PTN: variants seen among roughly 807,000 people sequenced by gnomAD.
PTN encodes pleiotrophin.
PTN carries 18 observed loss-of-function variants against 24.1 expected under a neutral mutation model. That is an observed-to-expected ratio of 0.75 (90% confidence interval 0.52 to 1.11). The LOEUF (loss-of-function observed/expected upper bound fraction) is 1.11. PTN is among the 50% of genes least tolerant of loss of function. The probability of loss-of-function intolerance (pLI) is 0.00; values close to 1 mark genes in which losing one functional copy is unlikely to be tolerated. For synonymous variants in PTN, 78 were observed against 68.6 expected (o/e 1.14, Z -0.67); for missense variants, 163 against 198.8 (o/e 0.82, Z 1.08).
chr7:137,339,866 CAG>C (rs2307572), intron 1 of PTN, among the ~76,000 whole-genome samples: 58,595 of 151,878 alleles, frequency 0.39, 11,561 homozygotes, highest in South Asian at 0.47. Flanking sequence ...GGGTTAGAGA[CAG>C]AATGCTATTT....
intron 1 of PTN, among the ~76,000 whole-genome samples, chr7:137,277,573 A>G (rs1809381173): frequency 6.6e-6 from 1 of 151,878 alleles, no homozygotes; most frequent in Admixed American, 6.6e-5. Context: ...CCCAAGCAAG[A>G]AAAAAAAATT....
intron 4 of PTN, among the ~76,000 whole-genome samples, chr7:137,233,625 C>A (rs1230313025): frequency 1.4e-4 from 21 of 151,872 alleles, no homozygotes; most frequent in Admixed American, 1.1e-3. Flanking sequence ...TATTAAAGAT[C>A]ATGGGTATGT....
At chr7:137,317,232 G>T (rs1266547060) in intron 1 of PTN, among the ~76,000 whole-genome samples, 1 of 152,206 alleles carries the variant, frequency 6.6e-6, no homozygotes, top group Non-Finnish European at 1.5e-5. Context: ...GCTCCTGGGA[G>T]TTGCCTCCAG....
intron 1 of PTN, among the ~76,000 whole-genome samples, chr7:137,296,898 G>A (rs1809727138): frequency 1.3e-5 from 2 of 152,054 alleles, no homozygotes; most frequent in African/African-American, 4.8e-5. Context: ...TGTAGATGTA[G>A]GTTATGCTTG....
At chr7:137,241,699 A>G (rs1349937256) in intron 4 of PTN, among the ~76,000 whole-genome samples, 1 of 152,202 alleles carries the variant, frequency 6.6e-6, no homozygotes, top group Non-Finnish European at 1.5e-5. Flanking sequence ...GTACGGTATC[A>G]TGGATGGAAA....
intron 1 of PTN, among the ~76,000 whole-genome samples, chr7:137,281,131 G>A (rs1339516417): frequency 6.6e-6 from 1 of 151,758 alleles, no homozygotes; most frequent in Non-Finnish European, 1.5e-5. Flanking sequence ...AGTTATGTTA[G>A]AACAGCCTAA....
chr7:137,326,532 T>C (rs1810265218), intron 1 of PTN: 1 of 152,212 alleles, frequency 6.6e-6, no homozygotes, highest in African/African-American at 2.4e-5. Flanking sequence ...TCATCTGTTA[T>C]TGTATGAAGT....
At chr7:137,295,885 T>C (rs1809710900) in intron 1 of PTN, among the ~76,000 whole-genome samples, 1 of 152,002 alleles carries the variant, frequency 6.6e-6, no homozygotes, top group African/African-American at 2.4e-5. Flanking sequence ...GCTAGGGAAC[T>C]GTCAGCTGCC....
At chr7:137,283,035 A>C (rs1809497139) in intron 1 of PTN, among the ~76,000 whole-genome samples, 1 of 152,112 alleles carries the variant, frequency 6.6e-6, no homozygotes, top group Non-Finnish European at 1.5e-5. Context: ...GGAGCAGGAA[A>C]TATCAAAGAG....
intron 1 of PTN, among the ~76,000 whole-genome samples, chr7:137,334,058 C>T (rs901187190): frequency 1.3e-5 from 2 of 152,170 alleles, no homozygotes; most frequent in African/African-American, 4.8e-5. Flanking sequence ...GGATTAAAGA[C>T]TTAAACGCTA....
intron 1 of PTN, among the ~76,000 whole-genome samples, chr7:137,283,867 A>G (rs911312929): frequency 1.3e-5 from 2 of 148,668 alleles, no homozygotes; most frequent in Non-Finnish European, 3.0e-5. Context: ...CTCCTCCCTC[A>G]TACACATAGT....
intron 1 of PTN, among the ~76,000 whole-genome samples, chr7:137,321,621 T>G (rs1810164323): frequency 6.6e-6 from 1 of 152,164 alleles, no homozygotes; most frequent in African/African-American, 2.4e-5. Context: ...ATTGGGTGGC[T>G]TTTCTTCTGT....
chr7:137,227,902 C>G lies in PTN; in HGVS notation c.*118G>C. 5 of 1,376,710 alleles carry G rather than the reference C, an allele frequency of 3.6e-6. No homozygotes were observed. Among genetic ancestry groups the G allele is most frequent in the Non-Finnish European group, 4.8e-6 (5 of 1,037,608 alleles). 85.3% of individuals were successfully genotyped at this position (1,376,710 alleles called of 1,614,324 possible). On this transcript the variant is annotated 3_prime_UTR_variant, in exon 5 of 5. Transcript: ENST00000348225. ...AAATTTTCTTTTCTTTTTGTTTTTG[C>G]TTATTGTGTACTTAGCTATAGATAA... is the stretch of plus-strand genomic sequence containing the variant.
chr7:137,342,137 A>G (rs1203209315), intron 1 of PTN, among the ~76,000 whole-genome samples: 2 of 152,154 alleles, frequency 1.3e-5, no homozygotes, highest in Non-Finnish European at 2.9e-5. Flanking sequence ...CTACATATCA[A>G]TGCATTCCCG....
At chr7:137,284,538 A>C (rs1809524409) in intron 1 of PTN, among the ~76,000 whole-genome samples, 2 of 152,076 alleles carry the variant, frequency 1.3e-5, no homozygotes, top group African/African-American at 4.8e-5. Context: ...TGCCAAATAA[A>C]CCTCATTTAG....
intron 1 of PTN, among the ~76,000 whole-genome samples, chr7:137,327,672 AC>A (rs1401659079): frequency 6.6e-6 from 1 of 151,904 alleles, no homozygotes; most frequent in Non-Finnish European, 1.5e-5. Flanking sequence ...ATATGCAGCC[AC>A]CCTTTTCCAC....
chr7:137,323,734 G>A (rs989325389), intron 1 of PTN, among the ~76,000 whole-genome samples: 9 of 152,130 alleles, frequency 5.9e-5, no homozygotes, highest in Non-Finnish European at 8.8e-5. Flanking sequence ...TCTCAAACTC[G>A]ATCATGTATT....
At chr7:137,327,334 A>C (rs896046154) in intron 1 of PTN, among the ~76,000 whole-genome samples, 4 of 152,086 alleles carry the variant, frequency 2.6e-5, no homozygotes, top group African/African-American at 9.7e-5. Flanking sequence ...GCGTCTTGCT[A>C]TCACTCCTAA....
chr7:137,242,582 T>A (rs1808649562), intron 4 of PTN, among the ~76,000 whole-genome samples: 2 of 152,206 alleles, frequency 1.3e-5, no homozygotes, highest in African/African-American at 4.8e-5. Context: ...CATTTATGCA[T>A]CTGATTTAAA....
Sources: allele counts gnomAD v4.1 joint callset (sites outside exome capture counted in the v4.1 genomes callset), GRCh38; gene constraint gnomAD v4.1.1; transcripts MANE v1.5; gene names NCBI Gene and HGNC (gene_info 2026-07-23, HGNC 2026-07-21).